Variants in SLC4A4 observed in about 807,000 individuals in gnomAD.
The protein encoded by SLC4A4 is electrogenic sodium bicarbonate cotransporter 1.
SLC4A4 carries 27 observed loss-of-function variants against 111.5 expected under a neutral mutation model. The observed-to-expected ratio is 0.24, with a 90% CI of 0.18 to 0.33. The LOEUF (loss-of-function observed/expected upper bound fraction) is 0.33, where lower values mean the gene tolerates loss of function less well. SLC4A4 is among the 10% of genes least tolerant of loss of function. The probability of loss-of-function intolerance (pLI) is 1.00; values close to 1 mark genes in which losing one functional copy is unlikely to be tolerated. For synonymous variants in SLC4A4, 443 were observed against 463.4 expected (o/e 0.96, Z 0.57); for missense variants, 909 against 1,315.5 (o/e 0.69, Z 4.78).
intron 7 of SLC4A4, among the ~76,000 whole-genome samples, chr4:71,415,322 T>A (rs889209090): frequency 6.6e-6 from 1 of 152,164 alleles, no homozygotes; most frequent in African/African-American, 2.4e-5. Flanking sequence ...AAAGAGAAAT[T>A]TTATTTTTGT....
intron 21 of SLC4A4, among the ~76,000 whole-genome samples, chr4:71,556,894 A>T (rs16846576): frequency 0.04 from 6,080 of 152,028 alleles, 256 homozygotes; most frequent in East Asian, 0.22. Flanking sequence ...ATGATTATTC[A>T]ATTCAATAGC....
At chr4:71,270,149 G>T (rs957809332) in intron 3 of SLC4A4, among the ~76,000 whole-genome samples, 1 of 152,184 alleles carries the variant, frequency 6.6e-6, no homozygotes, top group Non-Finnish European at 1.5e-5. Flanking sequence ...GTGCAATGGC[G>T]CAATCTCGGC....
At chr4:71,410,986 A>T (rs1208810524) in intron 7 of SLC4A4, among the ~76,000 whole-genome samples, 1 of 152,206 alleles carries the variant, frequency 6.6e-6, no homozygotes, top group Non-Finnish European at 1.5e-5. Context: ...CACTGTGGGC[A>T]TATATAGCAA....
At chr4:71,196,695 G>A (rs908407756) in intron 1 of SLC4A4, among the ~76,000 whole-genome samples, 3 of 151,306 alleles carry the variant, frequency 2.0e-5, no homozygotes, top group Non-Finnish European at 4.4e-5. Flanking sequence ...CTGGCTGGGT[G>A]CGGTGGCTAA....
chr4:71,349,374 G>A (rs933184503), intron 4 of SLC4A4, among the ~76,000 whole-genome samples: 1 of 152,148 alleles, frequency 6.6e-6, no homozygotes, highest in African/African-American at 2.4e-5. Context: ...AACAAAACGT[G>A]CCGGTCTTCC....
At chr4:71,503,562 G>A (rs972346170) in intron 16 of SLC4A4, among the ~76,000 whole-genome samples, 3 of 151,848 alleles carry the variant, frequency 2.0e-5, no homozygotes, top group East Asian at 1.9e-4. Flanking sequence ...CTTTGGTCAC[G>A]TTAAAATACT....
At chr4:71,427,214 G>A (rs1318187279) in intron 7 of SLC4A4, among the ~76,000 whole-genome samples, 1 of 151,720 alleles carries the variant, frequency 6.6e-6, no homozygotes, top group Admixed American at 6.6e-5. Flanking sequence ...TTAATTTGCT[G>A]TTTTCTTATT....
At chr4:71,461,933 C>G (rs1380289344) in intron 12 of SLC4A4, among the ~76,000 whole-genome samples, 4 of 152,136 alleles carry the variant, frequency 2.6e-5, no homozygotes, top group African/African-American at 9.7e-5. Context: ...TCTTAATGGC[C>G]GTAGTGTTGC....
chr4:71,381,763 C>G (rs139497148), intron 6 of SLC4A4, among the ~76,000 whole-genome samples: 51 of 152,238 alleles, frequency 3.4e-4, no homozygotes, highest in African/African-American at 1.2e-3. Context: ...GTCACCCAGG[C>G]TGGAGTGAGG....
At chr4:71,419,616 G>C (rs1205594501) in intron 7 of SLC4A4, among the ~76,000 whole-genome samples, 1 of 152,232 alleles carries the variant, frequency 6.6e-6, no homozygotes, top group Non-Finnish European at 1.5e-5. Flanking sequence ...TCTTTGACTA[G>C]GAAAGGGAAC....
chr4:71,076,006 T>C (rs973290953), intron 1 of SLC4A4, among the ~76,000 whole-genome samples: 2 of 147,210 alleles, frequency 1.4e-5, no homozygotes, highest in South Asian at 4.3e-4. Context: ...AATAAATAAA[T>C]AGCAATCCCG....
At chr4:71,547,091 G>A (rs893453321) in intron 19 of SLC4A4, among the ~76,000 whole-genome samples, 9 of 152,020 alleles carry the variant, frequency 5.9e-5, no homozygotes, top group South Asian at 2.1e-4. Context: ...CGTTTCCCAC[G>A]GCAAAACAGT....
At chr4:71,091,533 G>A (rs977502726) in intron 1 of SLC4A4, among the ~76,000 whole-genome samples, 7 of 151,990 alleles carry the variant, frequency 4.6e-5, no homozygotes, top group South Asian at 2.1e-4. Context: ...GATTACAGGC[G>A]TGAGCCACTG....
chr4:71,161,637 T>C (rs1212470240), intron 2 of SLC4A4, among the ~76,000 whole-genome samples: 1 of 152,248 alleles, frequency 6.6e-6, no homozygotes, highest in East Asian at 1.9e-4. Context: ...AACTGCTGTT[T>C]ATTCCCACTA....
chr4:71,142,464 G>T (rs1284168582), intron 2 of SLC4A4, among the ~76,000 whole-genome samples: 2 of 152,070 alleles, frequency 1.3e-5, no homozygotes, highest in Admixed American at 1.3e-4. Flanking sequence ...CCCTGTTTTA[G>T]GAGAAAATAG....
chr4:71,313,394 C>A (rs1003381581), intron 3 of SLC4A4, among the ~76,000 whole-genome samples: 1 of 152,176 alleles, frequency 6.6e-6, no homozygotes, highest in Non-Finnish European at 1.5e-5. Context: ...ATCAAGCCAC[C>A]ACTGACTTTC....
chr4:71,459,575 T>TA (rs1253811819), intron 12 of SLC4A4, among the ~76,000 whole-genome samples: 1 of 152,096 alleles, frequency 6.6e-6, no homozygotes, highest in Admixed American at 6.6e-5. Context: ...CATGTGCTAT[T>TA]ACTATAACAG....
chr4:71,066,293 A>C (rs1249208372), intron 1 of SLC4A4, among the ~76,000 whole-genome samples: 1 of 152,100 alleles, frequency 6.6e-6, no homozygotes, highest in African/African-American at 2.4e-5. Flanking sequence ...CATACCTTAC[A>C]TTTGTATACG....
At chr4:71,556,308 G>A in intron 21 of SLC4A4, among the ~76,000 whole-genome samples, 1 of 151,802 alleles carries the variant, frequency 6.6e-6, no homozygotes, top group East Asian at 1.9e-4. Flanking sequence ...GAAACTTTTG[G>A]GAAGCATAAA....
Sources: allele counts gnomAD v4.1 joint callset (sites outside exome capture counted in the v4.1 genomes callset), GRCh38; gene constraint gnomAD v4.1.1; transcripts MANE v1.5; gene names NCBI Gene and HGNC (gene_info 2026-07-23, HGNC 2026-07-21).